PLCH2: variants seen among roughly 807,000 people sequenced by gnomAD.
The protein encoded by PLCH2 is phospholipase C eta 2.
A neutral mutation model predicts 134.7 loss-of-function variants in PLCH2; 98 were observed. That is an observed-to-expected ratio of 0.73 (90% CI 0.62 to 0.86). The LOEUF (loss-of-function observed/expected upper bound fraction) is 0.86. Ranked by LOEUF, PLCH2 falls within the 40% of genes least tolerant of loss-of-function variation. The pLI is 0.00. For missense variants in PLCH2, 1,994 were observed against 1,986.6 expected (o/e 1.00, Z -0.07); for synonymous variants, 974 against 827.5 (o/e 1.18, Z -3.04).
rs753679934 is a variant in PLCH2, at chr1:2,487,218, C to T, written c.956C>T (p.Pro319Leu). Residue 319 changes from proline (P) to leucine (L), a missense_variant, in exon 7 of 22, where the codon CCT becomes CTT. This residue lies in a region of PLCH2 where 1,094 missense variants were observed against 1,234.3 expected (regional missense o/e 0.89). Transcript: ENST00000378486. ...TRSPAGDIFN[P>L]EHHHVHQDMT... ...AGCCCTGCTGGTGACATCTTCAACC[C>T]TGAGCACCACCATGTGCACCAGGAC... The T allele has an allele frequency of 3.8e-6, 6 of 1,598,078 alleles. No individual in the cohort carries two copies. The highest frequency in any genetic ancestry group is 4.3e-6 in the Non-Finnish European group (5 of 1,172,648).
At chr1:2,478,722 G>A (rs1039586931) in intron 2 of PLCH2, 100 bp downstream of exon 2, 9 of 1,231,302 alleles carry the variant, frequency 7.3e-6, no homozygotes, top group Non-Finnish European at 1.0e-5. Context: ...GGAGCAGCGA[G>A]ACCCTAGGCC....
chr1:2,438,821 T>A (rs574418204), intron 2 of PLCH2, among the ~76,000 whole-genome samples: 8 of 152,268 alleles, frequency 5.3e-5, no homozygotes, highest in African/African-American at 1.9e-4. Context: ...GGGCCTCTGG[T>A]CCCATGGGCA....
In PLCH2 at chr1:2,467,870, G is replaced by A. The variant is rs908605326; in HGVS notation, c.43+208G>A. Among the ~76,000 whole-genome samples, 7 of 152,148 alleles carry A rather than the reference G, an allele frequency of 4.6e-5. 1 individual carries two copies. The South Asian group carries it at 1.2e-3, about 27-fold the overall frequency. On this transcript the variant is annotated intron_variant, in intron 1 of 21. Transcript: ENST00000449969. Reference sequence around the variant, plus strand: ...ATTACCTGCACATCCCTCAGACTCGGTCCCAGAGGAGGGATGCTGCCCCCA... The same window carrying A: ...ATTACCTGCACATCCCTCAGACTCGATCCCAGAGGAGGGATGCTGCCCCCA...
At chr1:2,486,571 G>A (rs1642297265) in intron 5 of PLCH2, among the ~76,000 whole-genome samples, 1 of 152,198 alleles carries the variant, frequency 6.6e-6, no homozygotes, top group Admixed American at 6.5e-5. Flanking sequence ...TCTGCCAAGG[G>A]GGCATGAAGA....
At chr1:2,435,812 C>A (rs1325127611) in intron 2 of PLCH2, among the ~76,000 whole-genome samples, 1 of 132,632 alleles carries the variant, frequency 7.5e-6, no homozygotes, top group East Asian at 2.9e-4. Context: ...GGAGTGAGCC[C>A]CCACACCTGG....
intron 1 of PLCH2, among the ~76,000 whole-genome samples, chr1:2,429,577 G>A (rs751825119): frequency 6.6e-6 from 1 of 152,194 alleles, no homozygotes; most frequent in African/African-American, 2.4e-5. Flanking sequence ...GGAGCCTGGG[G>A]CCCCTTCTTG....
chr1:2,499,279 G>A (rs1204067929), intron 19 of PLCH2, 49 bp downstream of exon 19: 1 of 1,599,810 alleles, frequency 6.3e-7, no homozygotes, highest in Non-Finnish European at 8.5e-7. Flanking sequence ...AGGGCCCCAG[G>A]GCAGGGCAGG....
At chr1:2,421,332 G>A (rs1638506469), upstream of PLCH2, among the ~76,000 whole-genome samples, 1 of 152,148 alleles carries the variant, frequency 6.6e-6, no homozygotes, top group Admixed American at 6.5e-5. Context: ...GCTTGCACGT[G>A]CTCACCAGAA....
At chr1:2,466,701 C>T (rs543452425), upstream of PLCH2, among the ~76,000 whole-genome samples, 132 of 152,372 alleles carry the variant, frequency 8.7e-4, 1 homozygote, top group South Asian at 0.026. Context: ...TTCAGAACAC[C>T]CCCCATGGGT....
chr1:2,503,048 C>T (rs530879785), intron 21 of PLCH2: 19 of 710,784 alleles, frequency 2.7e-5, no homozygotes, highest in Middle Eastern at 4.6e-4. Flanking sequence ...GCACTGTCTC[C>T]GTGGCACTCT....
chr1:2,429,834 G>A (rs1043827526), intron 1 of PLCH2, among the ~76,000 whole-genome samples: 24 of 152,188 alleles, frequency 1.6e-4, no homozygotes, highest in African/African-American at 5.8e-4. Context: ...TGTGAGGGCT[G>A]GCAAGTACCT....
intron 2 of PLCH2, among the ~76,000 whole-genome samples, chr1:2,437,394 A>G (rs1368921977): frequency 6.6e-6 from 1 of 152,054 alleles, no homozygotes; most frequent in Non-Finnish European, 1.5e-5. Flanking sequence ...AGCTCTGCCC[A>G]AATCTCAAAT....
chr1:2,435,888 C>G (rs920547694), intron 2 of PLCH2, among the ~76,000 whole-genome samples: 1 of 151,910 alleles, frequency 6.6e-6, no homozygotes, highest in Admixed American at 6.5e-5. Flanking sequence ...GACTTGGGCT[C>G]TCATCATCTC....
In PLCH2 at chr1:2,487,725, G is replaced by A; in HGVS notation, c.1235+7G>A. On this transcript the variant is annotated splice_region_variant and intron_variant, in intron 8 of 21. Transcript: ENST00000378486. ...ATGCCTTCATCAAGAATGAGTGAGTGGCTGGGCCTAGCGGGGCTGGCCCCA... is the reference window on the plus strand; with the variant it reads ...ATGCCTTCATCAAGAATGAGTGAGTAGCTGGGCCTAGCGGGGCTGGCCCCA... 1 of 1,612,330 alleles carries A rather than the reference G, an allele frequency of 6.2e-7. No homozygotes were observed. The highest frequency in any genetic ancestry group is 1.1e-5 in the South Asian group (1 of 90,850).
chr1:2,441,975 C>T (rs756862697), intron 2 of PLCH2, among the ~76,000 whole-genome samples: 11 of 152,132 alleles, frequency 7.2e-5, no homozygotes, highest in South Asian at 2.1e-4. Flanking sequence ...ATGAAACATC[C>T]GGGAACACAC....
At position 2,498,185 on chromosome 1, in the gene PLCH2, C is replaced by T; in HGVS notation, c.2225-338C>T. On this transcript the variant is annotated intron_variant, in intron 16 of 21. Transcript: ENST00000378486. This position sits in a 1 kb window ranked among gnomAD's most constrained non-coding sequence, Gnocchi z 5.4. ...CCCTTGGCTTGCCCTCCTCAGAGTT[C>T]TCAGCCTGAGTGGGCCCTGGGGACA... 1 of 335,106 alleles carries T rather than the reference C, an allele frequency of 3.0e-6. No individual in the cohort carries two copies. The highest frequency in any genetic ancestry group is 5.5e-6 in the Non-Finnish European group (1 of 180,866). The allele number at this position is 335,106 out of a possible 1,614,324, so 20.8% of individuals were successfully genotyped here.
At chr1:2,467,328 C>T (rs1641102848), upstream of PLCH2, 1 of 352,026 alleles carries the variant, frequency 2.8e-6, no homozygotes, top group South Asian at 1.5e-4. Flanking sequence ...CAGGTGTCCT[C>T]CCTTCCCACT....
exon 1 of PLCH2, chr1:2,467,567 G>T (rs1371979828): frequency 5.0e-6 from 2 of 402,550 alleles, no homozygotes; most frequent in African/African-American, 2.1e-5. Flanking sequence ...GGCCAGCACA[G>T]GGCCCGGTGT....
intron 13 of PLCH2, 84 bp from the exon 14 acceptor site, chr1:2,496,523 C>A: frequency 8.8e-7 from 1 of 1,137,844 alleles, no homozygotes; most frequent in Non-Finnish European, 1.3e-6. Flanking sequence ...ATGAGGCTGC[C>A]CGAGCCCTGG....
Sources: allele counts gnomAD v4.1 joint callset (sites outside exome capture counted in the v4.1 genomes callset), GRCh38; gene constraint gnomAD v4.1.1; regional missense constraint gnomAD v4.1.1; non-coding constraint Gnocchi (gnomAD v3.1); transcripts MANE v1.5; gene names NCBI Gene and HGNC (gene_info 2026-07-23, HGNC 2026-07-21).